Variants in TLN2 observed in about 807,000 individuals in gnomAD.
TLN2 encodes the protein talin 2, also known as talin-2.
A neutral mutation model predicts 294.7 loss-of-function variants in TLN2; 118 were observed. The ratio of observed to expected loss-of-function variants is 0.40; its 90% CI spans 0.34 to 0.47. TLN2 has a LOEUF of 0.47. Ranked by LOEUF, TLN2 falls within the 20% of genes least tolerant of loss-of-function variation. The pLI, the probability that TLN2 is intolerant of heterozygous loss-of-function variation, is 0.84. For missense variants in TLN2, 3,083 were observed against 3,282.2 expected (o/e 0.94, Z 1.48); for synonymous variants, 1,431 against 1,304.5 (o/e 1.10, Z -2.09).
At chr15:62,767,959 A>G (rs2063118267) in intron 41 of TLN2, among the ~76,000 whole-genome samples, 1 of 147,442 alleles carries the variant, frequency 6.8e-6, no homozygotes, top group Non-Finnish European at 1.5e-5. Flanking sequence ...TATTTATGTC[A>G]CTTGACTTAC....
rs548661207 is a variant in TLN2 at position 62,658,621 on chromosome 15, C to T, written c.788+723C>T. Among the ~76,000 whole-genome samples, 201 of 152,270 alleles carry T rather than the reference C, an allele frequency of 1.3e-3. 1 individual carries two copies. The highest frequency in any genetic ancestry group is 2.2e-3 in the Admixed American group (33 of 15,296). The stretch of plus-strand genomic sequence containing the variant: ...CACATTGTGAGCCTGAGGCTGAGGA[C>T]GGCTCTGAGCAGTTTCTACCACCTA... On this transcript the variant is annotated intron_variant, in intron 9 of 58. Transcript: ENST00000636159.
Position 62,763,700 on chromosome 15 carries a change from G to T in TLN2, c.5094+5G>T, listed in dbSNP as rs759003450. On this transcript the variant is annotated splice_donor_5th_base_variant and intron_variant, in intron 40 of 58. Coordinates refer to ENST00000636159, the MANE Select transcript of TLN2 (RefSeq NM_015059.3). ...AGGGACGACATCTCTGTGGAGGTAA[G>T]CTGGGAATCTGGGGGCCTGCTTAGT... is the stretch of plus-strand genomic sequence containing the variant. 3.1e-6 allele frequency: 5 copies of T among 1,599,636 alleles called. No homozygotes were observed. Among genetic ancestry groups the T allele is most frequent in the Non-Finnish European group, 4.3e-6 (5 of 1,171,752 alleles).
intron 1 of TLN2, among the ~76,000 whole-genome samples, chr15:62,554,458 G>A (rs1336777613): frequency 3.3e-5 from 5 of 151,286 alleles, no homozygotes; most frequent in East Asian, 1.9e-4. Flanking sequence ...CAATGAAAAC[G>A]CTACTGGGAA....
chr15:62,584,040 T>A (rs1220848345), intron 1 of TLN2, among the ~76,000 whole-genome samples: 2 of 152,252 alleles, frequency 1.3e-5, no homozygotes, highest in Non-Finnish European at 2.9e-5. Flanking sequence ...ATCACTTATA[T>A]GAATTGTGCT....
chr15:62,492,354 C>T (rs963992598), intron 1 of TLN2, among the ~76,000 whole-genome samples: 3 of 151,634 alleles, frequency 2.0e-5, no homozygotes, highest in East Asian at 1.9e-4. Context: ...GTCAGGAGAT[C>T]GAGACCATCC....
At chr15:62,771,479 C>A (rs958835866) in intron 42 of TLN2, among the ~76,000 whole-genome samples, 1 of 152,100 alleles carries the variant, frequency 6.6e-6, no homozygotes, top group Non-Finnish European at 1.5e-5. Context: ...CTATTGTGCT[C>A]CAGTAAATGT....
At chr15:62,740,002 G>A (rs894610688) in intron 31 of TLN2, among the ~76,000 whole-genome samples, 2 of 151,866 alleles carry the variant, frequency 1.3e-5, no homozygotes, top group Non-Finnish European at 2.9e-5. Context: ...TTTAGAACAA[G>A]GGAGCTTGAC....
intron 2 of TLN2, among the ~76,000 whole-genome samples, chr15:62,605,574 T>G (rs2140799625): frequency 6.6e-6 from 1 of 152,290 alleles, no homozygotes; most frequent in South Asian, 2.1e-4. Flanking sequence ...GAAGTTAGGC[T>G]GTGGCTGCTG....
intron 8 of TLN2, among the ~76,000 whole-genome samples, chr15:62,657,197 G>A (rs1448561389): frequency 6.6e-6 from 1 of 152,054 alleles, no homozygotes; most frequent in African/African-American, 2.4e-5. Flanking sequence ...AAACTGGGAG[G>A]AGGAGGAGTT....
chr15:62,522,035 A>T (rs1345416197), intron 1 of TLN2, among the ~76,000 whole-genome samples: 1 of 152,128 alleles, frequency 6.6e-6, no homozygotes. Context: ...AGGCGTGTCC[A>T]ACTTCCCTTC....
intron 36 of TLN2, chr15:62,754,174 T>A (rs2062094182): frequency 2.8e-6 from 1 of 361,560 alleles, no homozygotes; most frequent in Admixed American, 4.8e-5. Flanking sequence ...TGACAAGGAG[T>A]CTTCATTCAT....
chr15:62,664,101 TATTAAA>T (rs1252597948), intron 9 of TLN2, among the ~76,000 whole-genome samples: 1 of 152,014 alleles, frequency 6.6e-6, no homozygotes, highest in African/African-American at 2.4e-5. Flanking sequence ...AATTTACCTT[TATTAAA>T]ATTAGAGTAT....
intron 1 of TLN2, among the ~76,000 whole-genome samples, chr15:62,572,237 CTTT>C (rs965806302): frequency 6.8e-6 from 1 of 146,724 alleles, no homozygotes; most frequent in East Asian, 2.0e-4. Flanking sequence ...TTGTCACCTC[CTTT>C]TTTTTTTTAT....
intron 3 of TLN2, among the ~76,000 whole-genome samples, chr15:62,639,815 A>G (rs1023287219): frequency 2.6e-5 from 4 of 152,196 alleles, no homozygotes; most frequent in African/African-American, 4.8e-5. Context: ...TGACAAAATT[A>G]TTAGAGAGGG....
intron 1 of TLN2, among the ~76,000 whole-genome samples, chr15:62,454,018 G>A (rs888844367): frequency 1.3e-5 from 2 of 152,220 alleles, no homozygotes; most frequent in Admixed American, 6.5e-5. Flanking sequence ...CTGTGCGGGA[G>A]TGTGAGTGGC....
At chr15:62,497,540 TAA>T (rs1490563372) in intron 1 of TLN2, among the ~76,000 whole-genome samples, 1 of 152,232 alleles carries the variant, frequency 6.6e-6, no homozygotes, top group African/African-American at 2.4e-5. Context: ...TCCTATTTCC[TAA>T]TCCAGCAGGC....
intron 1 of TLN2, among the ~76,000 whole-genome samples, chr15:62,478,826 A>C (rs1483601551): frequency 6.6e-6 from 1 of 152,192 alleles, no homozygotes; most frequent in African/African-American, 2.4e-5. Context: ...TAGGTGTTTT[A>C]AATTTTCATT....
intron 1 of TLN2, among the ~76,000 whole-genome samples, chr15:62,585,276 A>C (rs1048799820): frequency 3.9e-5 from 6 of 152,182 alleles, no homozygotes; most frequent in Non-Finnish European, 5.9e-5. Context: ...AGATTACTTA[A>C]TGGGTGTCTT....
intron 45 of TLN2, among the ~76,000 whole-genome samples, chr15:62,789,900 A>T (rs7164920): frequency 6.6e-6 from 1 of 152,196 alleles, no homozygotes; most frequent in Non-Finnish European, 1.5e-5. Context: ...CTTGCTGTCA[A>T]CCTTTCACTC....
Sources: gnomAD v4.1 joint callset for allele counts (sites outside exome capture counted in the v4.1 genomes callset) on GRCh38, gnomAD v4.1.1 for gene constraint, MANE v1.5 for transcripts, NCBI Gene and HGNC (gene_info 2026-07-23, HGNC 2026-07-21) for gene names.